The following RIC8B variants were observed in gnomAD, a reference collection of about 807,000 sequenced individuals.
The protein encoded by RIC8B is RIC8 guanine nucleotide exchange factor B.
Under a neutral mutation model 57.5 loss-of-function variants are expected in RIC8B, and 16 were observed. That is an observed-to-expected ratio of 0.28 (90% CI 0.19 to 0.42). RIC8B has a LOEUF of 0.42. Among genes scored for constraint, RIC8B ranks in the 10% least tolerant of loss-of-function variants. RIC8B has a pLI of 1.00. For synonymous variants in RIC8B, 216 were observed against 250.8 expected (o/e 0.86, Z 1.31); for missense variants, 481 against 677.0 (o/e 0.71, Z 3.21).
chr12:106,833,566 A>AC (rs958872297), intron 4 of RIC8B, among the ~76,000 whole-genome samples: 1 of 152,072 alleles, frequency 6.6e-6, no homozygotes, highest in African/African-American at 2.4e-5. Flanking sequence ...GTGCCACTGC[A>AC]CTCCAGCCTG....
At chr12:106,868,445 C>T (rs1489055715) in intron 8 of RIC8B, 2 of 395,498 alleles carry the variant, frequency 5.1e-6, no homozygotes, top group Admixed American at 3.1e-5. Context: ...TAATAAGCAC[C>T]TTTATTCATT....
intron 2 of RIC8B, among the ~76,000 whole-genome samples, chr12:106,813,212 GAC>G (rs1024640486): frequency 1.0e-5 from 1 of 97,530 alleles, no homozygotes; most frequent in Non-Finnish European, 2.0e-5. Context: ...TTTTTTTTGA[GAC>G]AGAGTCTCGC....
intron 8 of RIC8B, among the ~76,000 whole-genome samples, chr12:106,869,020 G>T (rs190840229): frequency 6.6e-6 from 1 of 151,974 alleles, no homozygotes; most frequent in Non-Finnish European, 1.5e-5. Flanking sequence ...AAAACAAGTG[G>T]GTAGGGGACA....
chr12:106,855,575 G>A (rs1232756309), intron 7 of RIC8B, among the ~76,000 whole-genome samples: 3 of 152,042 alleles, frequency 2.0e-5, no homozygotes, highest in Non-Finnish European at 2.9e-5. Context: ...GTCTTATTAC[G>A]TCTCTCATAA....
At chr12:106,860,825 C>G (rs192883641) in intron 8 of RIC8B, among the ~76,000 whole-genome samples, 1 of 152,232 alleles carries the variant, frequency 6.6e-6, no homozygotes, top group East Asian at 1.9e-4. Context: ...CTCCCCCTTG[C>G]ATAAAAGCCC....
chr12:106,814,859 A>G lies in RIC8B; in HGVS notation c.296A>G (p.Asn99Ser), dbSNP rs1364152647. The change falls in exon 3 of 10, where the codon AAT (asparagine) becomes AGT (serine). Residue 99 changes from asparagine to serine, a missense_variant. Physicochemically the swap from Asn to Ser is conservative, Grantham distance 46. Around this residue, in one of 3 missense-constraint regions of RIC8B, gnomAD observed 421 missense variants for 560.9 expected, o/e 0.75. Transcript: ENST00000392837. ...ATACTGCTGCGACTAGCCAAGCTAA[A>G]TGAGTTAGATGATTCTTTGGAGAAA... ...MQILLRLAKL[N>S]ELDDSLEKVS... The G allele has an allele frequency of 1.9e-6, 3 of 1,614,196 alleles. No homozygotes were observed. The highest frequency in any genetic ancestry group is 2.5e-6 in the Non-Finnish European group (3 of 1,180,022).
At chr12:106,873,981 T>C (rs900232187) in intron 9 of RIC8B, among the ~76,000 whole-genome samples, 13 of 152,364 alleles carry the variant, frequency 8.5e-5, no homozygotes, top group Admixed American at 3.9e-4. Context: ...GTTTTATCAT[T>C]ATTTGATTAG....
chr12:106,774,885 C>A, intron 1 of RIC8B, 56 bp downstream of exon 1: 2 of 1,309,466 alleles, frequency 1.5e-6, no homozygotes, highest in Non-Finnish European at 2.1e-6. Flanking sequence ...GCCCTCCGTG[C>A]TTGCACATCG....
Position 106,879,184 on chromosome 12 carries a change from A to G in RIC8B, c.1572-6720A>G, listed in dbSNP as rs1950806324. On this transcript the variant is annotated intron_variant, in intron 9 of 9. Coordinates refer to ENST00000392837, the MANE Select transcript of RIC8B (RefSeq NM_001330145.2). This position sits in a 1 kb window ranked among gnomAD's most constrained non-coding sequence, Gnocchi z 4.9. ...GTGGGAAACAAGAATGCATTTTACC[A>G]ACTGCTTAATTATGTCCTGTTTTTC... 9.1e-6 allele frequency: 9 copies of G among 985,852 alleles called. No homozygotes were observed. The highest frequency in any genetic ancestry group is 1.1e-5 in the Non-Finnish European group (9 of 829,918). The allele number at this position is 985,852 out of a possible 1,614,324, so 61.1% of individuals were successfully genotyped here.
intron 2 of RIC8B, among the ~76,000 whole-genome samples, chr12:106,784,912 T>C (rs565015916): frequency 6.6e-6 from 1 of 152,356 alleles, no homozygotes; most frequent in African/African-American, 2.4e-5. Context: ...CATTTTCTCC[T>C]TAACCTCTGC....
chr12:106,802,327 C>A (rs140284374), intron 2 of RIC8B, among the ~76,000 whole-genome samples: 21 of 152,208 alleles, frequency 1.4e-4, no homozygotes, highest in African/African-American at 4.8e-4. Context: ...ATGTGCATAA[C>A]CTATTTTAAG....
chr12:106,774,864 A>T, intron 1 of RIC8B, 35 bp downstream of exon 1: 1 of 1,486,094 alleles, frequency 6.7e-7, no homozygotes, highest in Non-Finnish European at 9.1e-7. Flanking sequence ...GCGGTATCGC[A>T]CCCCCGGGCC....
chr12:106,809,006 G>T (rs1240570620), intron 2 of RIC8B, among the ~76,000 whole-genome samples: 1 of 152,104 alleles, frequency 6.6e-6, no homozygotes, highest in Non-Finnish European at 1.5e-5. Context: ...CTATTCTGGA[G>T]CTCAAAGAAG....
intron 1 of RIC8B, 191 bp downstream of exon 1, chr12:106,775,020 C>G (rs558260498): frequency 1.7e-6 from 1 of 577,714 alleles, no homozygotes; most frequent in Non-Finnish European, 3.1e-6. Context: ...CCCACTACCC[C>G]CACTGTAGCG....
intron 2 of RIC8B, among the ~76,000 whole-genome samples, chr12:106,799,507 T>A (rs1247447412): frequency 6.6e-6 from 1 of 152,214 alleles, no homozygotes; most frequent in Non-Finnish European, 1.5e-5. Flanking sequence ...AGTGGCTGAA[T>A]CCAGGTGCTT....
At position 106,874,470 on chromosome 12, in the gene RIC8B, T is replaced by G. The variant is rs892555670; in HGVS notation, c.1571+3528T>G. Reference sequence around the variant, plus strand: ...AATGGACACTAGACACTTCCTTTTTTCCATCCATAGGAGAGCAGATGTGAA... The same window carrying G: ...AATGGACACTAGACACTTCCTTTTTGCCATCCATAGGAGAGCAGATGTGAA... On this transcript the variant is annotated intron_variant, in intron 9 of 9. Transcript: ENST00000392837. 4 of 1,549,862 alleles carry G rather than the reference T, an allele frequency of 2.6e-6. No homozygotes were observed. In the African/African-American group the frequency reaches 5.5e-5, roughly 21 times the overall value.
chr12:106,880,852 T>C (rs1371592727), intron 9 of RIC8B, among the ~76,000 whole-genome samples: 3 of 152,102 alleles, frequency 2.0e-5, no homozygotes, highest in African/African-American at 7.2e-5. Context: ...AAGAAATCTC[T>C]GGAAAGCATT....
chr12:106,870,757 G>T, intron 8 of RIC8B, 66 bp from the exon 9 acceptor site: 3 of 1,292,028 alleles, frequency 2.3e-6, no homozygotes, highest in South Asian at 4.1e-5. Context: ...TTAAAAGTTG[G>T]ACCAGAAAAG....
At chr12:106,845,922 CCCT>C (rs1447608666) in intron 6 of RIC8B, among the ~76,000 whole-genome samples, 2 of 152,080 alleles carry the variant, frequency 1.3e-5, no homozygotes, top group African/African-American at 4.8e-5. Context: ...TGTAAGTATT[CCCT>C]CCTCCTTGAA....
Sources: gnomAD v4.1 joint callset for allele counts (sites outside exome capture counted in the v4.1 genomes callset) on GRCh38, gnomAD v4.1.1 for gene constraint, gnomAD v4.1.1 regional missense constraint, Gnocchi (gnomAD v3.1) non-coding constraint, MANE v1.5 for transcripts, NCBI Gene and HGNC (gene_info 2026-07-23, HGNC 2026-07-21) for gene names.